Variants in DST observed in about 807,000 individuals in gnomAD.
DST encodes the protein dystonin.
DST carries 253 observed loss-of-function variants against 875.2 expected under a neutral mutation model. That is an observed-to-expected ratio of 0.29 (90% confidence interval 0.26 to 0.32). The LOEUF is 0.32. Ranked by LOEUF, DST falls within the 10% of genes least tolerant of loss-of-function variation. The pLI, the probability that DST is intolerant of heterozygous loss-of-function variation, is 1.00. For synonymous variants in DST, 3,124 were observed against 3,197.1 expected (o/e 0.98, Z 0.77); for missense variants, 8,287 against 9,111.6 (o/e 0.91, Z 3.68).
intron 91 of DST, 144 bp from the exon 92 acceptor site, chr6:56,476,481 G>A (rs370002375): frequency 9.0e-6 from 6 of 669,378 alleles, no homozygotes; most frequent in East Asian, 5.9e-5. Flanking sequence ...GATTCCATTA[G>A]TGGCATCAAG....
At chr6:56,471,802 G>C (rs533340903) in intron 94 of DST, 2 of 508,858 alleles carry the variant, frequency 3.9e-6, no homozygotes, top group Admixed American at 6.6e-5. Flanking sequence ...TATTCTTAAG[G>C]AATCAGCTTC....
intron 2 of DST, among the ~76,000 whole-genome samples, chr6:56,913,848 C>T (rs1799746141): frequency 6.6e-6 from 1 of 152,188 alleles, no homozygotes; most frequent in Non-Finnish European, 1.5e-5. Flanking sequence ...TTTCATCAAA[C>T]ACATAGATGA....
At chr6:56,822,707 A>G (rs2099774500) in intron 4 of DST, among the ~76,000 whole-genome samples, 1 of 152,142 alleles carries the variant, frequency 6.6e-6, no homozygotes, top group Admixed American at 6.5e-5. Context: ...TGAAGTTGCT[A>G]TATATGTGCT....
intron 4 of DST, among the ~76,000 whole-genome samples, chr6:56,803,516 T>C (rs934554685): frequency 3.9e-5 from 6 of 152,184 alleles, no homozygotes; most frequent in African/African-American, 1.2e-4. Context: ...ACTACCACCA[T>C]TTTCTTTTGA....
At chr6:56,786,186 A>C (rs1052655595) in intron 4 of DST, among the ~76,000 whole-genome samples, 13 of 152,114 alleles carry the variant, frequency 8.5e-5, no homozygotes, top group African/African-American at 3.1e-4. Context: ...AAAACAATTA[A>C]AGAGTCTACT....
In DST at chr6:56,772,321, T is replaced by C. The variant is rs56343623; in HGVS notation, c.626-37032A>G. Among the ~76,000 whole-genome samples, 281 of 152,342 alleles carry C rather than the reference T, an allele frequency of 1.8e-3. 1 individual carries two copies. The highest frequency in any genetic ancestry group is 5.1e-3 in the African/African-American group (214 of 41,578). On this transcript the variant is annotated intron_variant, in intron 4 of 103. Coordinates refer to ENST00000680361, the MANE Select transcript of DST (RefSeq NM_001374736.1). ...AGAACTAAAAATACATGTTACTTAT[T>C]AGCTGAATCATAGGTAGAAGTTTCT...
At chr6:56,541,834 C>A (rs2097131622) in intron 61 of DST, among the ~76,000 whole-genome samples, 1 of 152,150 alleles carries the variant, frequency 6.6e-6, no homozygotes, top group Non-Finnish European at 1.5e-5. Context: ...GAACAAAAAT[C>A]TCCTTTGTCC....
At position 56,606,843 on chromosome 6, in the gene DST, C is replaced by T. The variant is rs2098502741; in HGVS notation, c.7785G>A (p.Leu2595=). The T allele has an allele frequency of 6.2e-7, 1 of 1,613,158 alleles. No homozygotes were observed. The highest frequency in any genetic ancestry group is 1.1e-5 in the South Asian group (1 of 91,056). ...ISASDYETSL[L]NDQQNNTGTD... is the part of the protein sequence containing the mutation. Reference sequence around the variant, plus strand: ...TTCCTGTGTTATTCTGCTGATCATTCAGCAGTGACGTTTCATAGTCACTAG... The same window carrying T: ...TTCCTGTGTTATTCTGCTGATCATTTAGCAGTGACGTTTCATAGTCACTAG... The change falls in exon 40 of 104, where the codon CTG becomes CTA. Residue 2595 remains leucine, a synonymous_variant. Coordinates refer to ENST00000680361, the MANE Select transcript of DST (RefSeq NM_001374736.1).
rs149312060 is a variant in DST at position 56,693,651 on chromosome 6, A to C, written c.1047+6002T>G. 9.8e-3 allele frequency among the ~76,000 whole-genome samples: 1,500 copies of C among 152,308 alleles called. 9 individuals carry two copies. Among genetic ancestry groups the C allele is most frequent in the Non-Finnish European group, 0.017 (1,130 of 68,024 alleles). The stretch of plus-strand genomic sequence containing the variant: ...AAATTTGGATTCAAAGTGCCTTTCA[A>C]ATTGAATTTCAGAGACTCTCTACCC... On this transcript the variant is annotated intron_variant, in intron 9 of 103. Transcript: ENST00000680361.
intron 9 of DST, among the ~76,000 whole-genome samples, chr6:56,696,277 C>A (rs949356227): frequency 6.6e-6 from 1 of 152,154 alleles, no homozygotes; most frequent in Non-Finnish European, 1.5e-5. Flanking sequence ...ATTCTCCTGC[C>A]TCAGCCTCCC....
At chr6:56,866,183 A>G (rs951991745) in intron 3 of DST, among the ~76,000 whole-genome samples, 1 of 152,002 alleles carries the variant, frequency 6.6e-6, no homozygotes, top group Non-Finnish European at 1.5e-5. Context: ...TTTAGTAGAG[A>G]TGGGCCAACT....
At chr6:56,582,695 T>G (rs1439479710) in intron 49 of DST, among the ~76,000 whole-genome samples, 6 of 151,826 alleles carry the variant, frequency 4.0e-5, no homozygotes, top group Non-Finnish European at 8.8e-5. Flanking sequence ...GCTGCACCCA[T>G]TAACTCGTCA....
intron 4 of DST, among the ~76,000 whole-genome samples, chr6:56,819,184 A>G (rs764364150): frequency 6.6e-6 from 1 of 152,210 alleles, no homozygotes; most frequent in Non-Finnish European, 1.5e-5. Context: ...TTATTTCTCA[A>G]AATAATTCAC....
chr6:56,634,564 GC>G lies in DST; in HGVS notation c.3391del (p.Ala1131LeufsTer44). 1 of 1,614,170 alleles carries G rather than the reference GC, an allele frequency of 6.2e-7. No homozygotes were observed. The highest frequency in any genetic ancestry group is 8.5e-7 in the Non-Finnish European group (1 of 1,180,002). On this transcript the variant is annotated frameshift_variant, in exon 26 of 104. Transcript: ENST00000680361. LOFTEE classifies it high-confidence loss of function. ...AGTAGGACTAATGACCTTCCATTTAGCACGATGAGAGTTATTCGCCAAAACA... is the reference window on the plus strand; with the variant it reads ...AGTAGGACTAATGACCTTCCATTTAGACGATGAGAGTTATTCGCCAAAACA... ...ECVLANNSHR[A>X]KWKVISPTGN...
chr6:56,628,305 C>A, intron 32 of DST, 144 bp from the exon 33 acceptor site: 1 of 684,690 alleles, frequency 1.5e-6, no homozygotes, highest in South Asian at 1.7e-5. Flanking sequence ...AAGGCTGCAG[C>A]ACCCTGAGGC....
chr6:56,630,612 A>G (rs974464773), intron 30 of DST, among the ~76,000 whole-genome samples: 2 of 152,040 alleles, frequency 1.3e-5, no homozygotes, highest in Non-Finnish European at 2.9e-5. Flanking sequence ...GCAACATAAG[A>G]TGGTTTCTTT....
At chr6:56,496,469 AG>A in intron 82 of DST, among the ~76,000 whole-genome samples, 1 of 151,466 alleles carries the variant, frequency 6.6e-6, no homozygotes, top group Admixed American at 6.6e-5. Context: ...AAAACAAACA[AG>A]GAAGTTTTTT....
chr6:56,893,167 T>C (rs1788440629), intron 3 of DST, among the ~76,000 whole-genome samples: 1 of 152,176 alleles, frequency 6.6e-6, no homozygotes, highest in Non-Finnish European at 1.5e-5. Context: ...ATACTCTTCC[T>C]CCCAAGTCCC....
chr6:56,488,085 TAA>T (rs2095621581), intron 86 of DST, among the ~76,000 whole-genome samples: 1 of 152,222 alleles, frequency 6.6e-6, no homozygotes, highest in Non-Finnish European at 1.5e-5. Flanking sequence ...TGGAAATTTC[TAA>T]GTAATAGACA....
Sources: gnomAD v4.1 joint callset for allele counts (sites outside exome capture counted in the v4.1 genomes callset) on GRCh38, gnomAD v4.1.1 for gene constraint, MANE v1.5 for transcripts, NCBI Gene and HGNC (gene_info 2026-07-23, HGNC 2026-07-21) for gene names.